FGGY: variants seen among roughly 807,000 people sequenced by gnomAD.
FGGY encodes FGGY carbohydrate kinase domain containing.
A neutral mutation model predicts 71.3 loss-of-function variants in FGGY; 72 were observed. The observed-to-expected ratio is 1.01, with a 90% CI of 0.84 to 1.23. The LOEUF (loss-of-function observed/expected upper bound fraction) is 1.23. Ranked by LOEUF, FGGY falls within the 50% of genes most tolerant of loss-of-function variation. FGGY has a pLI of 0.00. For synonymous variants in FGGY, 251 were observed against 250.3 expected, an observed-to-expected ratio of 1.00 and a Z score of -0.02; for missense variants, 668 against 682.3, an observed-to-expected ratio of 0.98 and a Z score of 0.23.
chr1:59,701,240 T>A lies in FGGY; in HGVS notation c.1512+27107T>A, dbSNP rs372712976. ...CTTGCAAAGTCAGTTAAGATGAACA[T>A]AAGGCAGAAGTGGAATCCCAGCACA... On this transcript the variant is annotated intron_variant, in intron 14 of 15. Coordinates refer to ENST00000303721, the MANE Select transcript of FGGY (RefSeq NM_018291.5). Among the ~76,000 whole-genome samples, 260 of 152,264 alleles carry A rather than the reference T, an allele frequency of 1.7e-3. 1 individual carries two copies. The highest frequency in any genetic ancestry group is 5.8e-3 in the African/African-American group (242 of 41,552).
chr1:59,653,624 T>G (rs6686934), intron 11 of FGGY, among the ~76,000 whole-genome samples: 11,913 of 152,224 alleles, frequency 0.078, 1,270 homozygotes, highest in African/African-American at 0.24. Context: ...CGCATGGTGC[T>G]TGCACCCACT....
intron 4 of FGGY, among the ~76,000 whole-genome samples, chr1:59,373,116 A>C (rs1022427702): frequency 6.6e-6 from 1 of 152,112 alleles, no homozygotes; most frequent in African/African-American, 2.4e-5. Context: ...GAGGAAGTCA[A>C]ATTGTCCCTG....
At chr1:59,637,406 G>A (rs1239604097) in intron 10 of FGGY, among the ~76,000 whole-genome samples, 1 of 152,168 alleles carries the variant, frequency 6.6e-6, no homozygotes, top group African/African-American at 2.4e-5. Flanking sequence ...GCCGAGATGT[G>A]TGGATCACCT....
At chr1:59,308,535 AG>A (rs1570049416) in intron 1 of FGGY, among the ~76,000 whole-genome samples, 1 of 152,198 alleles carries the variant, frequency 6.6e-6, no homozygotes, top group African/African-American at 2.4e-5. Context: ...CTTTTATGAT[AG>A]GTCTTTATAC....
chr1:59,650,797 T>A (rs1012152711), intron 11 of FGGY, among the ~76,000 whole-genome samples: 3 of 144,382 alleles, frequency 2.1e-5, no homozygotes, highest in African/African-American at 8.6e-5. Flanking sequence ...TGCTAGCTGT[T>A]GAATGTGTTT....
At chr1:59,405,917 C>CT (rs111511578) in intron 5 of FGGY, among the ~76,000 whole-genome samples, 5,670 of 144,818 alleles carry the variant, frequency 0.039, 313 homozygotes, top group African/African-American at 0.13. Context: ...TTTCCCCTAG[C>CT]TTTTTTTTTT....
At chr1:59,603,623 C>T (rs978466091) in intron 8 of FGGY, among the ~76,000 whole-genome samples, 30 of 152,212 alleles carry the variant, frequency 2.0e-4, no homozygotes, top group African/African-American at 5.3e-4. Flanking sequence ...TACGTAAGAT[C>T]GCCTAGCTGA....
intron 5 of FGGY, among the ~76,000 whole-genome samples, chr1:59,409,598 T>TTTTATA (rs1491271353): frequency 9.5e-6 from 1 of 105,760 alleles, no homozygotes; most frequent in Non-Finnish European, 2.1e-5. Flanking sequence ...GAAGAGTTTT[T>TTTTATA]TATATATATA....
chr1:59,296,719 G>A (rs2042000088), upstream of FGGY: 2 of 150,928 alleles, frequency 1.3e-5, no homozygotes, highest in African/African-American at 4.9e-5. Flanking sequence ...CTTTACAGGG[G>A]CCGCGCTTTA....
chr1:59,373,359 G>A (rs1054966948), intron 4 of FGGY, among the ~76,000 whole-genome samples: 1 of 152,144 alleles, frequency 6.6e-6, no homozygotes, highest in African/African-American at 2.4e-5. Context: ...GGGACATGAA[G>A]GACCTCTTCA....
chr1:59,397,643 G>A (rs1326558581), intron 5 of FGGY, among the ~76,000 whole-genome samples: 2 of 151,422 alleles, frequency 1.3e-5, no homozygotes, highest in African/African-American at 4.9e-5. Context: ...CTATTTGCCA[G>A]CACCATCCCA....
intron 4 of FGGY, among the ~76,000 whole-genome samples, chr1:59,355,433 A>G (rs1486540669): frequency 6.6e-6 from 1 of 152,194 alleles, no homozygotes; most frequent in Non-Finnish European, 1.5e-5. Context: ...TGGTTGGAAG[A>G]GTTTGCTACT....
At chr1:59,606,934 A>G (rs2096629427) in intron 8 of FGGY, among the ~76,000 whole-genome samples, 1 of 152,218 alleles carries the variant, frequency 6.6e-6, no homozygotes, top group Non-Finnish European at 1.5e-5. Context: ...TCTTGAAAGT[A>G]AGAACTCTGA....
chr1:59,522,291 T>C (rs1462255692), intron 7 of FGGY, among the ~76,000 whole-genome samples: 3 of 152,262 alleles, frequency 2.0e-5, no homozygotes, highest in Admixed American at 6.5e-5. Context: ...TGTGTGTAGG[T>C]ATGTTTGTGC....
intron 11 of FGGY, among the ~76,000 whole-genome samples, chr1:59,641,534 C>T (rs1558643333): frequency 2.0e-5 from 3 of 152,158 alleles, no homozygotes; most frequent in Non-Finnish European, 4.4e-5. Context: ...TGTATATAAT[C>T]ATTTTACAGT....
chr1:59,670,144 A>C (rs187541191), intron 13 of FGGY, among the ~76,000 whole-genome samples: 37 of 152,368 alleles, frequency 2.4e-4, no homozygotes, highest in African/African-American at 7.5e-4. Context: ...GGCAAAGTGC[A>C]TCTGCCTTTG....
At chr1:59,458,338 C>A (rs548773296) in intron 6 of FGGY, among the ~76,000 whole-genome samples, 3 of 152,178 alleles carry the variant, frequency 2.0e-5, no homozygotes, top group South Asian at 4.1e-4. Flanking sequence ...ATTTCCTGTC[C>A]TAGCACAAGG....
intron 7 of FGGY, among the ~76,000 whole-genome samples, chr1:59,537,571 G>A (rs1329232575): frequency 2.6e-5 from 4 of 152,166 alleles, no homozygotes; most frequent in Admixed American, 6.5e-5. Context: ...AAAGCTGGAG[G>A]CATCACGCTA....
chr1:59,479,761 A>G (rs1170061859), intron 6 of FGGY, among the ~76,000 whole-genome samples: 1 of 152,216 alleles, frequency 6.6e-6, no homozygotes. Flanking sequence ...GGATTATCAA[A>G]CGGTACACAG....
Sources: allele counts gnomAD v4.1 joint callset (sites outside exome capture counted in the v4.1 genomes callset), GRCh38; gene constraint gnomAD v4.1.1; transcripts MANE v1.5; gene names NCBI Gene and HGNC (gene_info 2026-07-23, HGNC 2026-07-21).